ANKRD29: variants seen among roughly 807,000 people sequenced by gnomAD.
ANKRD29 encodes ankyrin repeat domain-containing protein 29.
In ANKRD29, 32 loss-of-function variants were observed where a neutral mutation model predicts 38.0. The observed-to-expected ratio is 0.84, with a 90% CI of 0.64 to 1.13. The LOEUF (loss-of-function observed/expected upper bound fraction) is 1.13. Ranked by LOEUF, ANKRD29 falls within the 50% of genes most tolerant of loss-of-function variation. ANKRD29 has a pLI of 0.00. For synonymous variants in ANKRD29, 135 were observed against 152.4 expected (o/e 0.89, Z 0.84); for missense variants, 357 against 377.9 (o/e 0.94, Z 0.46).
intron 3 of ANKRD29, among the ~76,000 whole-genome samples, 189 bp downstream of exon 3, chr18:23,646,000 G>C (rs1045634440): frequency 6.6e-6 from 1 of 152,186 alleles, no homozygotes; most frequent in African/African-American, 2.4e-5. Context: ...TGCCCGACAG[G>C]CTACGCTCAA....
intron 1 of ANKRD29, among the ~76,000 whole-genome samples, chr18:23,658,607 G>T (rs1210522296): frequency 6.6e-6 from 1 of 152,158 alleles, no homozygotes; most frequent in Non-Finnish European, 1.5e-5. Flanking sequence ...TATGTTGCAC[G>T]CAAGACAGAC....
chr18:23,611,778 C>A (rs572800865), intron 9 of ANKRD29, among the ~76,000 whole-genome samples: 1 of 152,002 alleles, frequency 6.6e-6, no homozygotes, highest in Admixed American at 6.6e-5. Flanking sequence ...AAATGACCGG[C>A]TTCTGGGTCA....
intron 3 of ANKRD29, among the ~76,000 whole-genome samples, 190 bp downstream of exon 3, chr18:23,645,999 G>A (rs1486239641): frequency 6.6e-6 from 1 of 152,182 alleles, no homozygotes; most frequent in Non-Finnish European, 1.5e-5. Flanking sequence ...ATGCCCGACA[G>A]GCTACGCTCA....
At chr18:23,649,490 T>G (rs1402018901) in intron 1 of ANKRD29, 1 of 614,824 alleles carries the variant, frequency 1.6e-6, no homozygotes. Flanking sequence ...GTTCACCCAG[T>G]TTCCTTTTTG....
chr18:23,604,761 C>T (rs1237649772), intron 9 of ANKRD29, among the ~76,000 whole-genome samples: 1 of 151,902 alleles, frequency 6.6e-6, no homozygotes, highest in Non-Finnish European at 1.5e-5. Context: ...GATTTCTTGA[C>T]CTCATGATCC....
At chr18:23,646,450 A>C in intron 2 of ANKRD29, 163 bp from the exon 3 acceptor site, 1 of 513,820 alleles carries the variant, frequency 1.9e-6, no homozygotes, top group Non-Finnish European at 3.4e-6. Flanking sequence ...CATGCAGCCT[A>C]GATGGGAAAA....
chr18:23,619,539 C>A lies in ANKRD29; in HGVS notation c.619G>T (p.Ala207Ser). ...GCGACTCGGGCACTCACGTTCCGCGCAGCGTCGCGGTCGGCTCCGCGCAGC... is the reference window on the plus strand; with the variant it reads ...GCGACTCGGGCACTCACGTTCCGCGAAGCGTCGCGGTCGGCTCCGCGCAGC... ...MLLRGADRDA[A>S]RNDGTTALLK... The change falls in exon 7 of 10, where the codon GCG becomes TCG. Residue 207 changes from alanine to serine, a missense_variant. Coordinates refer to ENST00000592179, the MANE Select transcript of ANKRD29 (RefSeq NM_173505.4). The A allele has an allele frequency of 6.3e-7, 1 of 1,591,118 alleles. No homozygotes were observed. The highest frequency in any genetic ancestry group is 8.5e-7 in the Non-Finnish European group (1 of 1,176,684).
At chr18:23,639,928 A>T (rs2060051912) in intron 3 of ANKRD29, among the ~76,000 whole-genome samples, 1 of 152,164 alleles carries the variant, frequency 6.6e-6, no homozygotes, top group African/African-American at 2.4e-5. Flanking sequence ...GGAAGTTATT[A>T]TTTAATGGAT....
chr18:23,616,555 T>TATATATATATA (rs1248927073), intron 8 of ANKRD29, among the ~76,000 whole-genome samples: 8 of 140,224 alleles, frequency 5.7e-5, no homozygotes, highest in Non-Finnish European at 1.1e-4. Context: ...ATATAGTATA[T>TATATATATATA]ATATATATAC....
chr18:23,656,341 T>C (rs1368512701), intron 1 of ANKRD29, among the ~76,000 whole-genome samples: 1 of 152,148 alleles, frequency 6.6e-6, no homozygotes, highest in East Asian at 1.9e-4. Context: ...TGACTTATAA[T>C]GCTCTATTTA....
At position 23,612,146 on chromosome 18, in the gene ANKRD29, A is replaced by T. The variant is rs1403465442; in HGVS notation, c.768T>A (p.Ile256=). ...ALHAAVLSGN[I]KTVALLLEAG... is the part of the protein sequence containing the mutation. Reference sequence around the variant, plus strand: ...CTTCTAGGAGCAGCGCAACTGTTTTAATGTTTCCACTGAGCACTGCTGCAT... The same window carrying T: ...CTTCTAGGAGCAGCGCAACTGTTTTTATGTTTCCACTGAGCACTGCTGCAT... Residue 256 remains isoleucine (I), a synonymous_variant, in exon 9 of 10, where the codon ATT becomes ATA. Coordinates refer to ENST00000592179, the MANE Select transcript of ANKRD29 (RefSeq NM_173505.4). 2 of 1,613,910 alleles carry T rather than the reference A, an allele frequency of 1.2e-6. No homozygotes were observed.
chr18:23,639,098 A>G (rs541697651), intron 3 of ANKRD29, 151 bp from the exon 4 acceptor site: 1 of 544,072 alleles, frequency 1.8e-6, no homozygotes, highest in African/African-American at 1.9e-5. Context: ...TTTTTTGGTC[A>G]GAGAAGTGAC....
chr18:23,630,399 C>G (rs1404594630), intron 5 of ANKRD29, among the ~76,000 whole-genome samples: 1 of 151,970 alleles, frequency 6.6e-6, no homozygotes, highest in Admixed American at 6.6e-5. Context: ...TCATTCCAGC[C>G]TGGGCAAAAG....
intron 1 of ANKRD29, among the ~76,000 whole-genome samples, chr18:23,652,881 A>T (rs1289081746): frequency 6.6e-6 from 1 of 152,220 alleles, no homozygotes; most frequent in Non-Finnish European, 1.5e-5. Flanking sequence ...ATTTAATTCC[A>T]GGAGCAGCCC....
At chr18:23,624,500 A>AAAAAAAAAAAAAAAAT (rs2059837685) in intron 6 of ANKRD29, among the ~76,000 whole-genome samples, 1 of 135,646 alleles carries the variant, frequency 7.4e-6, no homozygotes, top group African/African-American at 2.7e-5. Flanking sequence ...AAAAAAAAAA[A>AAAAAAAAAAAAAAAAT]GGTAATAGAA....
intron 9 of ANKRD29, among the ~76,000 whole-genome samples, chr18:23,607,070 G>GC (rs2145632981): frequency 6.6e-6 from 1 of 152,294 alleles, no homozygotes; most frequent in South Asian, 2.1e-4. Flanking sequence ...GCTGGATCCT[G>GC]CCCCCTGACC....
chr18:23,608,784 G>C lies in ANKRD29; in HGVS notation c.822+3308C>G, dbSNP rs538455354. 9.8e-5 allele frequency among the ~76,000 whole-genome samples: 15 copies of C among 152,288 alleles called. No homozygotes were observed. In the East Asian group the frequency reaches 2.9e-3, roughly 29 times the overall value. ...CCTTTCCCGAAAAGACCCCCTTCTT[G>C]CCTGGGGACCAGTCTGCCTTTGTAG... On this transcript the variant is annotated intron_variant, in intron 9 of 9. Coordinates refer to ENST00000592179, the MANE Select transcript of ANKRD29 (RefSeq NM_173505.4).
At chr18:23,637,761 C>A (rs2060021065) in intron 4 of ANKRD29, among the ~76,000 whole-genome samples, 1 of 152,034 alleles carries the variant, frequency 6.6e-6, no homozygotes, top group Non-Finnish European at 1.5e-5. Flanking sequence ...TCTAAATAGT[C>A]CACAAAAAGG....
At position 23,646,539 on chromosome 18, in the gene ANKRD29, C is replaced by T. The variant is rs2060142504; in HGVS notation, c.133-252G>A. On this transcript the variant is annotated intron_variant, in intron 2 of 9. Coordinates refer to ENST00000592179, the MANE Select transcript of ANKRD29 (RefSeq NM_173505.4). ...TTCCATTACCTTCAGAAGCACAGTC[C>T]AAATGAACCATAGTTACTGCATTTT... 8.1e-6 allele frequency: 3 copies of T among 372,554 alleles called. No individual in the cohort carries two copies. In the South Asian group the frequency reaches 1.6e-4, roughly 19 times the overall value. 23.1% of individuals were successfully genotyped at this position (372,554 alleles called of 1,614,324 possible). A position where few individuals can be genotyped will look rare whatever the true frequency, so the allele number is the denominator to read the frequency against.
Sources: allele counts gnomAD v4.1 joint callset (sites outside exome capture counted in the v4.1 genomes callset), GRCh38; gene constraint gnomAD v4.1.1; transcripts MANE v1.5; gene names NCBI Gene and HGNC (gene_info 2026-07-23, HGNC 2026-07-21).